Variants in KIAA1958 observed in about 807,000 individuals in gnomAD.
The protein encoded by KIAA1958 is KIAA1958, also known as uncharacterized protein KIAA1958.
Under a neutral mutation model 47.2 loss-of-function variants are expected in KIAA1958, and 14 were observed. That is an observed-to-expected ratio of 0.30 (90% CI 0.20 to 0.46). The LOEUF (loss-of-function observed/expected upper bound fraction) is 0.46. KIAA1958 is among the 20% of genes least tolerant of loss of function. The probability of loss-of-function intolerance (pLI) is 1.00; values close to 1 mark genes in which losing one functional copy is unlikely to be tolerated. For synonymous variants in KIAA1958, 354 were observed against 353.3 expected, an observed-to-expected ratio of 1.00 and a Z score of -0.02; for missense variants, 803 against 909.2, an observed-to-expected ratio of 0.88 and a Z score of 1.50.
chr9:112,607,326 CTG>C (rs1836252129), intron 2 of KIAA1958, among the ~76,000 whole-genome samples: 1 of 151,370 alleles, frequency 6.6e-6, no homozygotes, highest in African/African-American at 2.4e-5. Context: ...CAGCAAAACT[CTG>C]TCTCAAAAAA....
chr9:112,495,686 C>T (rs1292106443), intron 1 of KIAA1958, among the ~76,000 whole-genome samples: 1 of 152,180 alleles, frequency 6.6e-6, no homozygotes, highest in African/African-American at 2.4e-5. Context: ...CTGTAAGATC[C>T]ATACTCACCC....
In KIAA1958 at chr9:112,668,088, T is replaced by C. The variant is rs1266510116; in HGVS notation, c.*8019T>C. 1 of 60,346 alleles carries C rather than the reference T, an allele frequency of 1.7e-5. No individual in the cohort carries two copies. The highest frequency in any genetic ancestry group is 1.2e-4 in the African/African-American group (1 of 8,602). The allele number at this position is 60,346 out of a possible 1,614,324, so 3.7% of individuals were successfully genotyped here. ...GAAATAATGTATAAATTGCTCTTGA[T>C]TTTCCCCACCATCATTTAAAACACT... On this transcript the variant is annotated 3_prime_UTR_variant, in exon 4 of 4. Coordinates refer to ENST00000337530, the MANE Select transcript of KIAA1958 (RefSeq NM_133465.4).
intron 2 of KIAA1958, among the ~76,000 whole-genome samples, chr9:112,628,780 A>G (rs1836662631): frequency 6.6e-6 from 1 of 152,056 alleles, no homozygotes; most frequent in Non-Finnish European, 1.5e-5. Flanking sequence ...AAATATATAT[A>G]TATTTATTAG....
chr9:112,628,973 G>C (rs951858283), intron 2 of KIAA1958, among the ~76,000 whole-genome samples: 5 of 152,114 alleles, frequency 3.3e-5, no homozygotes, highest in African/African-American at 1.2e-4. Flanking sequence ...GATTGAAAGT[G>C]TTTTAGATTC....
rs189028262 is a variant in KIAA1958 at position 112,567,429 on chromosome 9, G to A, written c.-24-6628G>A. Among the ~76,000 whole-genome samples, 17 of 152,234 alleles carry A rather than the reference G, an allele frequency of 1.1e-4. No homozygotes were observed. In the South Asian group the frequency reaches 1.7e-3, roughly 15 times the overall value. Reference sequence around the variant, plus strand: ...AAGTTCTTCTTTATGCTCCCAGGAGGCCTCTGTAGTTCCAGTCATCCTATC... The same window carrying A: ...AAGTTCTTCTTTATGCTCCCAGGAGACCTCTGTAGTTCCAGTCATCCTATC... On this transcript the variant is annotated intron_variant, in intron 1 of 3. Coordinates refer to ENST00000337530, the MANE Select transcript of KIAA1958 (RefSeq NM_133465.4).
chr9:112,666,423 A>G lies in KIAA1958; in HGVS notation c.*6354A>G, dbSNP rs1837351514. On this transcript the variant is annotated 3_prime_UTR_variant, in exon 4 of 4. Coordinates refer to ENST00000337530, the MANE Select transcript of KIAA1958 (RefSeq NM_133465.4). Reference sequence around the variant, plus strand: ...TAAAGGGCCCATCCAAGATCAGCCAAACAATAAGTAATAGATTCAGGACTA... The same window carrying G: ...TAAAGGGCCCATCCAAGATCAGCCAGACAATAAGTAATAGATTCAGGACTA... The G allele has an allele frequency of 6.6e-6, 1 of 152,190 alleles. No individual in the cohort carries two copies. The highest frequency in any genetic ancestry group is 2.4e-5 in the African/African-American group (1 of 41,452). 9.4% of individuals were successfully genotyped at this position (152,190 alleles called of 1,614,324 possible).
intron 1 of KIAA1958, among the ~76,000 whole-genome samples, chr9:112,562,137 C>T (rs1030256897): frequency 2.0e-5 from 3 of 152,116 alleles, no homozygotes; most frequent in Admixed American, 2.0e-4. Flanking sequence ...GTGTATTGCA[C>T]TATATTGTGT....
chr9:112,589,432 A>G (rs758700708), intron 2 of KIAA1958, among the ~76,000 whole-genome samples: 4 of 152,182 alleles, frequency 2.6e-5, no homozygotes, highest in Non-Finnish European at 5.9e-5. Flanking sequence ...CCCCATCTCT[A>G]GAGTACAAAA....
intron 1 of KIAA1958, 68 bp from the exon 2 acceptor site, chr9:112,573,989 C>A: frequency 1.2e-6 from 1 of 802,536 alleles, no homozygotes; most frequent in Admixed American, 2.5e-5. Flanking sequence ...TTGGAACAAA[C>A]TGAAGTAATT....
Position 112,660,137 on chromosome 9 carries a change from C to T in KIAA1958, c.*68C>T. 7.0e-7 allele frequency: 1 copy of T among 1,434,710 alleles called. No homozygotes were observed. The highest frequency in any genetic ancestry group is 1.4e-5 in the African/African-American group (1 of 71,800). The allele number at this position is 1,434,710 out of a possible 1,614,324, so 88.9% of individuals were successfully genotyped here. A position where few individuals can be genotyped will look rare whatever the true frequency, so the allele number is the denominator to read the frequency against. ...CCAGCCAGGGTTGGAGCAGCTGGAG[C>T]TCCTTGGAGGCAGGGGCTGACCAGG... On this transcript the variant is annotated 3_prime_UTR_variant, in exon 4 of 4. Transcript: ENST00000337530.
intron 1 of KIAA1958, among the ~76,000 whole-genome samples, chr9:112,512,808 C>A (rs952863413): frequency 2.6e-5 from 4 of 151,580 alleles, no homozygotes; most frequent in African/African-American, 4.9e-5. Flanking sequence ...GAGGAAGACA[C>A]CAGAGCAGTC....
At chr9:112,566,361 T>G (rs976609050) in intron 1 of KIAA1958, among the ~76,000 whole-genome samples, 10 of 152,236 alleles carry the variant, frequency 6.6e-5, no homozygotes, top group Non-Finnish European at 1.3e-4. Flanking sequence ...TACTATTGTA[T>G]AGTAGCTTCT....
intron 1 of KIAA1958, among the ~76,000 whole-genome samples, chr9:112,510,536 G>C (rs369399474): frequency 9.2e-5 from 14 of 152,218 alleles, no homozygotes; most frequent in East Asian, 5.8e-4. Context: ...TGCCACTCCT[G>C]GTCCCTGTTT....
intron 1 of KIAA1958, among the ~76,000 whole-genome samples, chr9:112,564,507 G>A (rs765717244): frequency 5.9e-5 from 9 of 152,078 alleles, no homozygotes; most frequent in East Asian, 1.9e-4. Context: ...CTGTTATTTC[G>A]TTATTAATTA....
intron 1 of KIAA1958, among the ~76,000 whole-genome samples, chr9:112,522,457 C>G (rs1017197430): frequency 1.3e-5 from 2 of 152,186 alleles, no homozygotes; most frequent in Non-Finnish European, 1.5e-5. Context: ...GCCTGCTTTC[C>G]TTTCACCTGA....
chr9:112,638,905 C>G (rs151063138), intron 2 of KIAA1958, among the ~76,000 whole-genome samples: 55 of 152,260 alleles, frequency 3.6e-4, no homozygotes, highest in African/African-American at 1.2e-3. Context: ...ATTGAATTCT[C>G]AATTCATTAT....
intron 1 of KIAA1958, among the ~76,000 whole-genome samples, chr9:112,498,945 C>T (rs979075737): frequency 4.6e-5 from 7 of 152,212 alleles, no homozygotes; most frequent in African/African-American, 1.7e-4. Context: ...CTCTCTACTT[C>T]CATGAGCTCA....
chr9:112,506,822 T>G (rs1172828522), intron 1 of KIAA1958, among the ~76,000 whole-genome samples: 1 of 152,132 alleles, frequency 6.6e-6, no homozygotes, highest in Non-Finnish European at 1.5e-5. Context: ...GGGTTGTGAT[T>G]TAGGGTTTCT....
chr9:112,576,323 T>C (rs547433513), intron 2 of KIAA1958, among the ~76,000 whole-genome samples: 84 of 152,348 alleles, frequency 5.5e-4, no homozygotes, highest in Non-Finnish European at 9.4e-4. Flanking sequence ...TTTCAGTTTA[T>C]TCACTTTTAT....
Sources: gnomAD v4.1 joint callset for allele counts (sites outside exome capture counted in the v4.1 genomes callset) on GRCh38, gnomAD v4.1.1 for gene constraint, MANE v1.5 for transcripts, NCBI Gene and HGNC (gene_info 2026-07-23, HGNC 2026-07-21) for gene names.